The following CSMD1 variants were observed in gnomAD, a reference collection of about 807,000 sequenced individuals.
The protein encoded by CSMD1 is CUB and Sushi multiple domains 1, also known as CUB and sushi domain-containing protein 1.
Under a neutral mutation model 417.5 loss-of-function variants are expected in CSMD1, and 213 were observed. The ratio of observed to expected loss-of-function variants is 0.51; its 90% CI spans 0.46 to 0.57. The LOEUF (loss-of-function observed/expected upper bound fraction) is 0.57, where lower values mean the gene tolerates loss of function less well. CSMD1 is among the 20% of genes least tolerant of loss of function. CSMD1 has a pLI of 0.00. For synonymous variants in CSMD1, 2,862 were observed against 1,736.8 expected, an observed-to-expected ratio of 1.65 and a Z score of -16.11; for missense variants, 6,923 against 4,529.7, an observed-to-expected ratio of 1.53 and a Z score of -15.17.
chr8:3,528,744 T>C (rs915515830), intron 10 of CSMD1, among the ~76,000 whole-genome samples: 2 of 152,202 alleles, frequency 1.3e-5, no homozygotes, highest in African/African-American at 2.4e-5. Context: ...AATGTTCCAA[T>C]TGCTGAGACT....
At position 4,899,884 on chromosome 8, in the gene CSMD1, C is replaced by A. The variant is rs374722583; in HGVS notation, c.85+94448G>T. Among the ~76,000 whole-genome samples, 3 of 152,272 alleles carry A rather than the reference C, an allele frequency of 2.0e-5. No homozygotes were observed. In the East Asian group the frequency reaches 5.8e-4, roughly 29 times the overall value. ...GGTGTCAGACATACCTGGGGACAAG[C>A]CTTTCAGCTGCTCTGTCCCTAGAGT... On this transcript the variant is annotated intron_variant, in intron 1 of 69. Coordinates refer to ENST00000635120, the MANE Select transcript of CSMD1 (RefSeq NM_033225.6).
chr8:4,479,730 C>T (rs1800986846), intron 2 of CSMD1, among the ~76,000 whole-genome samples: 1 of 151,940 alleles, frequency 6.6e-6, no homozygotes, highest in Non-Finnish European at 1.5e-5. Context: ...CCCGTCTCTA[C>T]TAAAAATACA....
In CSMD1 at chr8:3,621,440, G is replaced by C. The variant is rs528849531; in HGVS notation, c.1010-4643C>G. ...TGGTTTTGCCAGGGGCTGGGGCAAA[G>C]GGAAAGAGAAGAAGGAATATAAGGT... On this transcript the variant is annotated intron_variant, in intron 7 of 69. Coordinates refer to ENST00000635120, the MANE Select transcript of CSMD1 (RefSeq NM_033225.6). 3.3e-5 allele frequency among the ~76,000 whole-genome samples: 5 copies of C among 152,262 alleles called. No homozygotes were observed. In the East Asian group the frequency reaches 9.7e-4, roughly 29 times the overall value.
intron 11 of CSMD1, among the ~76,000 whole-genome samples, chr8:3,493,096 C>G (rs1009470554): frequency 8.6e-5 from 13 of 151,918 alleles, no homozygotes; most frequent in African/African-American, 3.1e-4. Context: ...GAGTTCGAGA[C>G]CAACCGGGCC....
At position 4,926,410 on chromosome 8, in the gene CSMD1, G is replaced by T. The variant is rs114045153; in HGVS notation, c.85+67922C>A. On this transcript the variant is annotated intron_variant, in intron 1 of 69. Transcript: ENST00000635120. ...CTGTATTTGTGAGATCTACGCATGTGGCCGTGTAATTCTCTCACACTTAAT... is the reference window on the plus strand; with the variant it reads ...CTGTATTTGTGAGATCTACGCATGTTGCCGTGTAATTCTCTCACACTTAAT... Among the ~76,000 whole-genome samples the T allele has an allele frequency of 6.7e-3, 1,026 of 152,190 alleles. 14 individuals carry two copies. Among genetic ancestry groups the T allele is most frequent in the African/African-American group, 0.023 (956 of 41,508 alleles).
chr8:4,626,742 A>T (rs376967332), intron 2 of CSMD1, among the ~76,000 whole-genome samples: 2 of 152,118 alleles, frequency 1.3e-5, no homozygotes, highest in Non-Finnish European at 2.9e-5. Context: ...GATGCCCCAA[A>T]GAAAATATAT....
At chr8:3,200,795 G>C (rs1442775738) in intron 32 of CSMD1, among the ~76,000 whole-genome samples, 1 of 151,944 alleles carries the variant, frequency 6.6e-6, no homozygotes, top group South Asian at 2.1e-4. Flanking sequence ...AAGACTTTTA[G>C]TTAATAATAA....
chr8:4,911,398 T>C (rs1805660922), intron 1 of CSMD1, among the ~76,000 whole-genome samples: 1 of 152,232 alleles, frequency 6.6e-6, no homozygotes, highest in Non-Finnish European at 1.5e-5. Context: ...TCTAGATTTG[T>C]TAGGTAATTC....
At chr8:3,776,962 C>G (rs2129061357) in intron 5 of CSMD1, among the ~76,000 whole-genome samples, 1 of 152,056 alleles carries the variant, frequency 6.6e-6, no homozygotes, top group South Asian at 2.1e-4. Flanking sequence ...GATTCTCCTA[C>G]CTGGGCCTCC....
At chr8:3,745,109 G>C (rs1185419263) in intron 6 of CSMD1, among the ~76,000 whole-genome samples, 1 of 152,190 alleles carries the variant, frequency 6.6e-6, no homozygotes, top group East Asian at 1.9e-4. Flanking sequence ...CTAGATATGT[G>C]TCTTGAGAAA....
intron 3 of CSMD1, among the ~76,000 whole-genome samples, chr8:4,318,087 G>T (rs1350465673): frequency 1.3e-5 from 2 of 152,068 alleles, no homozygotes; most frequent in Non-Finnish European, 2.9e-5. Context: ...ATTTAGTTTA[G>T]CCTGTCTGTA....
At chr8:4,514,747 G>C (rs1419658773) in intron 2 of CSMD1, among the ~76,000 whole-genome samples, 1 of 152,158 alleles carries the variant, frequency 6.6e-6, no homozygotes, top group Non-Finnish European at 1.5e-5. Flanking sequence ...AAATATGATT[G>C]TGAACAGTGG....
intron 3 of CSMD1, among the ~76,000 whole-genome samples, chr8:4,097,684 T>C (rs972181432): frequency 1.3e-5 from 2 of 152,220 alleles, no homozygotes; most frequent in African/African-American, 4.8e-5. Flanking sequence ...ACAGTGAATT[T>C]TAGCCCTTGG....
intron 5 of CSMD1, among the ~76,000 whole-genome samples, chr8:3,970,290 C>G (rs1812992251): frequency 1.3e-5 from 2 of 152,132 alleles, no homozygotes; most frequent in Non-Finnish European, 2.9e-5. Flanking sequence ...TTGAAACAGT[C>G]TTTCTAAGAG....
chr8:3,946,184 A>C (rs1811212286), intron 5 of CSMD1, among the ~76,000 whole-genome samples: 2 of 152,134 alleles, frequency 1.3e-5, no homozygotes. Flanking sequence ...ACAAAGAATA[A>C]ATCTCAGTGG....
chr8:4,428,630 G>C (rs146080393), intron 2 of CSMD1, among the ~76,000 whole-genome samples: 1 of 151,972 alleles, frequency 6.6e-6, no homozygotes, highest in African/African-American at 2.4e-5. Context: ...TAGGAAACAC[G>C]GAAACTACAG....
At chr8:4,621,450 G>C (rs1801773496) in intron 2 of CSMD1, among the ~76,000 whole-genome samples, 1 of 152,052 alleles carries the variant, frequency 6.6e-6, no homozygotes, top group Admixed American at 6.6e-5. Context: ...CATTTAAAAA[G>C]CAGAGATCAA....
intron 26 of CSMD1, among the ~76,000 whole-genome samples, chr8:3,273,071 T>G (rs998512030): frequency 3.9e-5 from 6 of 152,122 alleles, no homozygotes; most frequent in Non-Finnish European, 7.3e-5. Context: ...TGTGGGTTTG[T>G]TATAGATAGC....
chr8:2,957,372 T>G (rs931509719), intron 63 of CSMD1, among the ~76,000 whole-genome samples: 42 of 152,286 alleles, frequency 2.8e-4, no homozygotes, highest in African/African-American at 9.9e-4. Context: ...TATCTTCGGT[T>G]TCATGCAGTT....
Sources: allele counts gnomAD v4.1 joint callset (sites outside exome capture counted in the v4.1 genomes callset), GRCh38; gene constraint gnomAD v4.1.1; transcripts MANE v1.5; gene names NCBI Gene and HGNC (gene_info 2026-07-23, HGNC 2026-07-21).